IARS1: variants seen among roughly 807,000 people sequenced by gnomAD.
IARS1 encodes isoleucine--tRNA ligase, cytoplasmic.
A neutral mutation model predicts 168.2 loss-of-function variants in IARS1; 124 were observed. The ratio of observed to expected loss-of-function variants is 0.74; its 90% CI spans 0.64 to 0.86. The LOEUF (loss-of-function observed/expected upper bound fraction) is 0.86. IARS1 is among the 40% of genes least tolerant of loss of function. The pLI is 0.00. For missense variants in IARS1, 1,452 were observed against 1,515.8 expected, an observed-to-expected ratio of 0.96 and a Z score of 0.70; for synonymous variants, 532 against 529.4, an observed-to-expected ratio of 1.00 and a Z score of -0.07.
rs554682724 is a variant in IARS1, at chr9:92,264,014, C to A, written c.1700+915G>T. 3.9e-5 allele frequency among the ~76,000 whole-genome samples: 6 copies of A among 152,306 alleles called. 1 individual carries two copies. Among genetic ancestry groups the A allele is most frequent in the African/African-American group, 1.4e-4 (6 of 41,566 alleles). On this transcript the variant is annotated intron_variant, in intron 16 of 33. Transcript: ENST00000443024. ...ACACCAACAATTCCTTTAACACACC[C>A]CTGCAGAAACATTACTGTGAATGTA... is the stretch of plus-strand genomic sequence containing the variant.
Position 92,269,937 on chromosome 9 carries a change from G to A in IARS1, c.1252C>T (p.Arg418Ter), listed in dbSNP as rs764500338. The A allele has an allele frequency of 1.3e-5, 21 of 1,613,402 alleles. No homozygotes were observed. The highest frequency in any genetic ancestry group is 3.3e-5 in the South Asian group (3 of 91,076). ...IYKAVPSWFVRVENMVDQLLR... is the reference protein window; with the variant it reads ...IYKAVPSWFV ...AGCTGGTCCACCATGTTCTCCACTC[G>A]CACAAACCAGCTGGGCACTGCTTTG... Residue 418 changes from arginine (R) to a stop codon, truncating the protein, a stop_gained, in exon 13 of 34, where the codon CGA (arginine) becomes TGA (stop). Coordinates refer to ENST00000443024, the MANE Select transcript of IARS1 (RefSeq NM_002161.6). LOFTEE classifies it high-confidence loss of function.
chr9:92,281,764 C>CA (rs1490645236), intron 6 of IARS1, among the ~76,000 whole-genome samples: 2 of 151,934 alleles, frequency 1.3e-5, no homozygotes, highest in African/African-American at 2.4e-5. Context: ...AAACCAACTG[C>CA]AATTTAAATA....
rs1356366430 is a variant in IARS1, at chr9:92,249,957, AG to A, written c.2533-17del. On this transcript the variant is annotated splice_polypyrimidine_tract_variant and intron_variant, in intron 24 of 33. Transcript: ENST00000443024. ...TCAAAGGATACTAGGAGGAAAAGGG[AG>A]GGGAAAGTTCACTCAGCAGCCAGTC... 1.4e-6 allele frequency: 2 copies of A among 1,467,262 alleles called. No individual in the cohort carries two copies. Among genetic ancestry groups the A allele is most frequent in the Non-Finnish European group, 1.9e-6 (2 of 1,051,068 alleles). The allele number at this position is 1,467,262 out of a possible 1,614,324, so 90.9% of individuals were successfully genotyped here.
At chr9:92,240,123 T>C (rs938818094) in intron 30 of IARS1, among the ~76,000 whole-genome samples, 1 of 152,162 alleles carries the variant, frequency 6.6e-6, no homozygotes, top group Non-Finnish European at 1.5e-5. Flanking sequence ...CCTTACATCT[T>C]TGAGAGTCTT....
chr9:92,254,148 T>C (rs1272385214), intron 20 of IARS1, among the ~76,000 whole-genome samples: 1 of 152,126 alleles, frequency 6.6e-6, no homozygotes, highest in Admixed American at 6.5e-5. Flanking sequence ...AGAACTGGCC[T>C]TCTAAACATT....
chr9:92,278,101 T>A (rs182292813), intron 8 of IARS1, 98 bp downstream of exon 8: 18 of 1,092,206 alleles, frequency 1.6e-5, no homozygotes, highest in African/African-American at 1.4e-4. Context: ...ATTTGAATAA[T>A]GCAAGCTTTT....
At chr9:92,271,109 A>G in intron 11 of IARS1, 33 bp from the exon 12 acceptor site, 2 of 1,385,578 alleles carry the variant, frequency 1.4e-6, no homozygotes, top group South Asian at 1.2e-5. Flanking sequence ...AGCCATTAAA[A>G]CATACTATAA....
chr9:92,263,450 C>G (rs1431386998), intron 16 of IARS1, among the ~76,000 whole-genome samples: 1 of 152,198 alleles, frequency 6.6e-6, no homozygotes, highest in East Asian at 1.9e-4. Context: ...AATGCACTCT[C>G]ACCCAAAAGT....
chr9:92,235,843 T>C (rs1020473234), intron 30 of IARS1, among the ~76,000 whole-genome samples: 20 of 152,068 alleles, frequency 1.3e-4, no homozygotes, highest in African/African-American at 3.6e-4. Context: ...TTTTTAAATA[T>C]TGAATCAGCC....
intron 20 of IARS1, among the ~76,000 whole-genome samples, chr9:92,255,751 T>C (rs1047867691): frequency 6.6e-6 from 1 of 152,158 alleles, no homozygotes; most frequent in Non-Finnish European, 1.5e-5. Context: ...CAAACACTAC[T>C]GGGCATTCTG....
chr9:92,291,259 A>G (rs756566420), intron 1 of IARS1, among the ~76,000 whole-genome samples: 4 of 152,162 alleles, frequency 2.6e-5, no homozygotes, highest in Non-Finnish European at 4.4e-5. Context: ...TAAGGGAACA[A>G]CAGAGAAGAT....
Position 92,256,777 on chromosome 9 carries a change from GT to G in IARS1, c.2039del (p.Tyr680SerfsTer48). Reference protein sequence around the residue: ...LQKEEEIEFLYNENTVRESPN... With the variant: ...LQKEEEIEFLXNENTVRESPN... ...GGCTTTCTCTAACCGTGTTCTCATT[GT>G]AGAGAAATTCTATTTCTTCCTCCTA... is the stretch of plus-strand genomic sequence containing the variant. On this transcript the variant is annotated frameshift_variant, in exon 20 of 34. Transcript: ENST00000443024. LOFTEE classifies it high-confidence loss of function. The G allele has an allele frequency of 6.2e-7, 1 of 1,613,198 alleles. No homozygotes were observed. Among genetic ancestry groups the G allele is most frequent in the Non-Finnish European group, 8.5e-7 (1 of 1,179,334 alleles).
At position 92,210,885 on chromosome 9, in the gene IARS1, A is replaced by T. The variant is rs370376420; in HGVS notation, c.3711T>A (p.Ile1237=). 1 of 1,596,516 alleles carries T rather than the reference A, an allele frequency of 6.3e-7. No homozygotes were observed. The highest frequency in any genetic ancestry group is 2.2e-5 in the East Asian group (1 of 44,774). ...LFLNETQTQE[I]TEDIPVKTLN... ...AAGTCTTCACGGGGATGTCTTCTGT[A>T]ATTTCTAGAATGGAAAGAAAAAGTT... Residue 1237 remains isoleucine (I), a synonymous_variant, in exon 34 of 34, where the codon ATT becomes ATA. Transcript: ENST00000443024.
intron 30 of IARS1, among the ~76,000 whole-genome samples, chr9:92,232,361 T>C (rs531087480): frequency 8.3e-4 from 127 of 152,230 alleles, no homozygotes; most frequent in Non-Finnish European, 1.4e-3. Flanking sequence ...ATTTGATTCA[T>C]AGATTTGCCA....
intron 31 of IARS1, among the ~76,000 whole-genome samples, chr9:92,228,139 G>GC (rs1299401263): frequency 1.3e-5 from 2 of 152,176 alleles, no homozygotes; most frequent in East Asian, 3.9e-4. Flanking sequence ...CTGGAGACCA[G>GC]CCCGATGGCC....
intron 31 of IARS1, among the ~76,000 whole-genome samples, chr9:92,224,550 G>T (rs1477441405): frequency 4.6e-5 from 7 of 152,212 alleles, no homozygotes; most frequent in Non-Finnish European, 1.0e-4. Flanking sequence ...ATCTAAAAAT[G>T]GGTGAGGCTG....
intron 33 of IARS1, among the ~76,000 whole-genome samples, chr9:92,222,118 G>T (rs1042923838): frequency 6.6e-6 from 1 of 151,964 alleles, no homozygotes; most frequent in African/African-American, 2.4e-5. Flanking sequence ...AGGAGTTTGA[G>T]ACCAGCCTGG....
intron 17 of IARS1, among the ~76,000 whole-genome samples, chr9:92,260,643 A>C (rs1280770337): frequency 6.6e-6 from 1 of 152,210 alleles, no homozygotes; most frequent in Non-Finnish European, 1.5e-5. Context: ...CAGCAGAGCA[A>C]GACTCTGTCT....
At chr9:92,235,557 G>A (rs888641149) in intron 30 of IARS1, among the ~76,000 whole-genome samples, 3 of 128,562 alleles carry the variant, frequency 2.3e-5, no homozygotes, top group Admixed American at 9.6e-5. Flanking sequence ...TCCCTCTGTC[G>A]CCCAGGCTGG....
Sources: gnomAD v4.1 joint callset for allele counts (sites outside exome capture counted in the v4.1 genomes callset) on GRCh38, gnomAD v4.1.1 for gene constraint, MANE v1.5 for transcripts, NCBI Gene and HGNC (gene_info 2026-07-23, HGNC 2026-07-21) for gene names.